The following ELAVL4 variants were observed in gnomAD, a reference collection of about 807,000 sequenced individuals.
The protein encoded by ELAVL4 is ELAV-like protein 4.
ELAVL4 carries 1 observed loss-of-function variant against 35.6 expected under a neutral mutation model. The observed-to-expected ratio is 0.03, with a 90% confidence interval of 0.01 to 0.13. The LOEUF is 0.13. ELAVL4 is among the 10% of genes least tolerant of loss of function. The probability of loss-of-function intolerance (pLI) is 1.00; values close to 1 mark genes in which losing one functional copy is unlikely to be tolerated. For synonymous variants in ELAVL4, 156 were observed against 171.0 expected (o/e 0.91, Z 0.69); for missense variants, 267 against 464.9 (o/e 0.57, Z 3.91).
intron 3 of ELAVL4, among the ~76,000 whole-genome samples, chr1:50,186,855 C>G (rs889415766): frequency 2.6e-5 from 4 of 151,952 alleles, no homozygotes; most frequent in Non-Finnish European, 4.4e-5. Flanking sequence ...TAGCACGTAT[C>G]AGGTGGCAGG....
At chr1:50,126,473 T>C (rs1669939274) in intron 1 of ELAVL4, among the ~76,000 whole-genome samples, 1 of 152,080 alleles carries the variant, frequency 6.6e-6, no homozygotes, top group African/African-American at 2.4e-5. Context: ...TATTTTCATA[T>C]GTCAAAAATT....
At chr1:50,095,189 T>G (rs1225916877) in intron 1 of ELAVL4, among the ~76,000 whole-genome samples, 1 of 152,150 alleles carries the variant, frequency 6.6e-6, no homozygotes, top group Non-Finnish European at 1.5e-5. Context: ...ACGGCAGCAT[T>G]GGTGCTCAAA....
upstream of ELAVL4, among the ~76,000 whole-genome samples, chr1:50,098,939 G>A (rs1281745346): frequency 9.6e-4 from 147 of 152,340 alleles, 3 homozygotes; most frequent in Non-Finnish European, 1.0e-4. Flanking sequence ...CAGAAGGGAA[G>A]TGCCTGACCA....
chr1:50,058,629 T>G (rs1443585698), intron 1 of ELAVL4, among the ~76,000 whole-genome samples: 1 of 152,012 alleles, frequency 6.6e-6, no homozygotes, highest in Non-Finnish European at 1.5e-5. Flanking sequence ...TTTTTTTTTT[T>G]TCCTGACAGT....
chr1:50,106,369 T>C, upstream of ELAVL4: 1 of 1,613,646 alleles, frequency 6.2e-7, no homozygotes, highest in Non-Finnish European at 8.5e-7. Context: ...TTGTCATTAA[T>C]GAGTCAAGAA....
At chr1:50,057,076 C>T (rs1454070345) in intron 1 of ELAVL4, among the ~76,000 whole-genome samples, 3 of 151,882 alleles carry the variant, frequency 2.0e-5, no homozygotes, top group Non-Finnish European at 2.9e-5. Flanking sequence ...CCTTGAAGAC[C>T]TTCTAGTGGA....
intron 1 of ELAVL4, among the ~76,000 whole-genome samples, chr1:50,080,491 T>C (rs1333026903): frequency 6.6e-6 from 1 of 152,174 alleles, no homozygotes; most frequent in African/African-American, 2.4e-5. Flanking sequence ...TCCATCATCA[T>C]TTGATTTCTC....
intron 1 of ELAVL4, among the ~76,000 whole-genome samples, chr1:50,093,753 A>G (rs1368017022): frequency 2.0e-5 from 3 of 152,182 alleles, no homozygotes; most frequent in African/African-American, 7.2e-5. Flanking sequence ...CACTTCAGGG[A>G]CCCGTAAGTA....
At chr1:50,081,362 T>C (rs1357890717) in intron 1 of ELAVL4, among the ~76,000 whole-genome samples, 1 of 152,180 alleles carries the variant, frequency 6.6e-6, no homozygotes, top group Admixed American at 6.5e-5. Context: ...ACAGGCCACA[T>C]GTGATTAAGA....
intron 5 of ELAVL4, among the ~76,000 whole-genome samples, chr1:50,196,016 T>C (rs2480682): frequency 0.88 from 133,466 of 152,262 alleles, 60,323 homozygotes; most frequent in East Asian, 1. Context: ...GTATAAACTT[T>C]AGATTCTTTG....
chr1:50,074,088 A>G (rs1338122351), intron 1 of ELAVL4, among the ~76,000 whole-genome samples: 1 of 152,226 alleles, frequency 6.6e-6, no homozygotes, highest in Non-Finnish European at 1.5e-5. Context: ...CTTCAAGATC[A>G]AGGGTCCTGG....
At position 50,180,365 on chromosome 1, in the gene ELAVL4, A is replaced by G. The variant is rs577096221; in HGVS notation, c.354+3173A>G. ...TTTGGATTAAGGATGTTGAATCAGT[A>G]TAATGCAAATATTCCAAAATCTAAA... is the stretch of plus-strand genomic sequence containing the variant. On this transcript the variant is annotated intron_variant, in intron 3 of 6. Transcript: ENST00000371824. The G allele has an allele frequency of 5.3e-5, 8 of 152,342 alleles. No homozygotes were observed. In the South Asian group the frequency reaches 1.5e-3, roughly 28 times the overall value. The allele number at this position is 152,342 out of a possible 1,614,324, so 9.4% of individuals were successfully genotyped here.
In ELAVL4 at chr1:50,129,035, A is replaced by G. The variant is rs1040223173; in HGVS notation, c.10-15922A>G. On this transcript the variant is annotated intron_variant, in intron 1 of 6. Transcript: ENST00000371824. ...TTCAGGAAAATTAAGTGGGGTGGTG[A>G]GTGTGAACGTACTTACAAAATCCTC... 4.6e-5 allele frequency among the ~76,000 whole-genome samples: 7 copies of G among 152,140 alleles called. No individual in the cohort carries two copies. The East Asian group carries it at 1.2e-3, about 25-fold the overall frequency.
intron 1 of ELAVL4, among the ~76,000 whole-genome samples, chr1:50,049,519 T>C (rs1663242234): frequency 6.6e-6 from 1 of 152,220 alleles, no homozygotes; most frequent in Non-Finnish European, 1.5e-5. Flanking sequence ...GATGTTTGCC[T>C]CCTTGCTTCT....
At chr1:50,156,061 C>T (rs1312173382) in intron 2 of ELAVL4, among the ~76,000 whole-genome samples, 1 of 151,916 alleles carries the variant, frequency 6.6e-6, no homozygotes. Context: ...ATCCCCCAAA[C>T]ACTTTTCTGG....
At chr1:50,094,742 C>CAATAAATAAATAAATAAATAAATA (rs60522222) in intron 1 of ELAVL4, among the ~76,000 whole-genome samples, 2 of 135,522 alleles carry the variant, frequency 1.5e-5, no homozygotes, top group East Asian at 2.2e-4. Flanking sequence ...CCTGTCTCTA[C>CAATAAATAAATAAATAAATAAATA]AATAAATAAA....
rs1220933898 is a variant in ELAVL4, at chr1:50,162,574, TTTG to T, written c.251-14505_251-14503del. On this transcript the variant is annotated intron_variant, in intron 2 of 6. Coordinates refer to ENST00000371824, the MANE Select transcript of ELAVL4 (RefSeq NM_001144774.3). ...ATACTTTGGGAATTCGGGTCCTGGG[TTTG>T]TTGTTGTTGCGTTGATGTTATTTTG... is the stretch of plus-strand genomic sequence containing the variant. Among the ~76,000 whole-genome samples the T allele has an allele frequency of 5.3e-5, 8 of 152,020 alleles. No homozygotes were observed. The South Asian group carries it at 1.5e-3, about 28-fold the overall frequency.
intron 2 of ELAVL4, among the ~76,000 whole-genome samples, chr1:50,150,314 T>A (rs1674553042): frequency 1.3e-5 from 2 of 152,218 alleles, no homozygotes; most frequent in Admixed American, 1.3e-4. Context: ...TTAATTAATA[T>A]CATTTAGTGG....
At chr1:50,166,609 C>T (rs1234354893) in intron 2 of ELAVL4, among the ~76,000 whole-genome samples, 1 of 152,142 alleles carries the variant, frequency 6.6e-6, no homozygotes, top group African/African-American at 2.4e-5. Flanking sequence ...TGGAATGACC[C>T]AAACCTTCAT....
Sources: allele counts gnomAD v4.1 joint callset (sites outside exome capture counted in the v4.1 genomes callset), GRCh38; gene constraint gnomAD v4.1.1; transcripts MANE v1.5; gene names NCBI Gene and HGNC (gene_info 2026-07-23, HGNC 2026-07-21).